The following SLC9A9 variants were observed in gnomAD, a reference collection of about 807,000 sequenced individuals.
SLC9A9 encodes solute carrier family 9 member A9.
A neutral mutation model predicts 77.8 loss-of-function variants in SLC9A9; 62 were observed. That is an observed-to-expected ratio of 0.80 (90% CI 0.65 to 0.98). SLC9A9 has a LOEUF of 0.98. Among genes scored for constraint, SLC9A9 ranks in the 50% least tolerant of loss-of-function variants. The pLI is 0.00. For missense variants in SLC9A9, 775 were observed against 774.9 expected, an observed-to-expected ratio of 1.00 and a Z score of 0.00; for synonymous variants, 320 against 283.5, an observed-to-expected ratio of 1.13 and a Z score of -1.29.
intron 14 of SLC9A9, among the ~76,000 whole-genome samples, chr3:143,308,392 C>T (rs575052108): frequency 1.4e-4 from 21 of 151,892 alleles, no homozygotes; most frequent in South Asian, 2.1e-4. Context: ...CTGGCTAACA[C>T]GGTGAAACCC....
intron 6 of SLC9A9, among the ~76,000 whole-genome samples, chr3:143,616,418 C>T (rs1176016587): frequency 9.9e-5 from 15 of 152,126 alleles, no homozygotes; most frequent in Admixed American, 9.8e-4. Context: ...CCAGAAAACT[C>T]CTCAAAACAA....
intron 13 of SLC9A9, among the ~76,000 whole-genome samples, chr3:143,374,413 ACT>A (rs1206238011): frequency 1.6e-5 from 2 of 122,420 alleles, no homozygotes; most frequent in African/African-American, 6.8e-5. Flanking sequence ...AGACAGCGAG[ACT>A]CTGTCTCAAA....
At chr3:143,748,203 G>T (rs550763672) in intron 4 of SLC9A9, among the ~76,000 whole-genome samples, 1 of 152,152 alleles carries the variant, frequency 6.6e-6, no homozygotes, top group African/African-American at 2.4e-5. Context: ...GTGACTTGCC[G>T]TAGAACTTTA....
At chr3:143,513,041 G>A (rs116293242) in intron 9 of SLC9A9, among the ~76,000 whole-genome samples, 4,566 of 152,280 alleles carry the variant, frequency 0.03, 72 homozygotes, top group Non-Finnish European at 0.037. Flanking sequence ...TGACTGATAA[G>A]GCTGGTGGTT....
intron 4 of SLC9A9, among the ~76,000 whole-genome samples, chr3:143,780,617 A>T (rs781664144): frequency 6.6e-6 from 1 of 152,256 alleles, no homozygotes; most frequent in African/African-American, 2.4e-5. Flanking sequence ...CATTGTCCTC[A>T]TAACACATAT....
intron 14 of SLC9A9, among the ~76,000 whole-genome samples, chr3:143,350,734 C>T (rs2032428239): frequency 1.3e-5 from 2 of 152,132 alleles, no homozygotes. Context: ...AAAATAGTGG[C>T]TCAGGGCAGG....
chr3:143,630,809 A>G (rs1576622599), intron 6 of SLC9A9, among the ~76,000 whole-genome samples: 1 of 152,202 alleles, frequency 6.6e-6, no homozygotes, highest in East Asian at 1.9e-4. Flanking sequence ...AAGATTATTT[A>G]TCAGTTAATA....
At chr3:143,516,639 CAG>C (rs1371156507) in intron 9 of SLC9A9, among the ~76,000 whole-genome samples, 4 of 152,146 alleles carry the variant, frequency 2.6e-5, no homozygotes, top group Non-Finnish European at 2.9e-5. Flanking sequence ...TTACTGATGA[CAG>C]AGTCTCCTTT....
intron 6 of SLC9A9, among the ~76,000 whole-genome samples, chr3:143,645,964 AC>A (rs2038700412): frequency 6.6e-6 from 1 of 151,964 alleles, no homozygotes; most frequent in Admixed American, 6.6e-5. Flanking sequence ...TTTCAGTACA[AC>A]AATAGCAGTA....
intron 11 of SLC9A9, among the ~76,000 whole-genome samples, chr3:143,492,168 T>A (rs1249061658): frequency 1.3e-5 from 2 of 151,802 alleles, no homozygotes; most frequent in Admixed American, 6.6e-5. Flanking sequence ...GGCAGGCGCC[T>A]GTAGTCCCAG....
intron 12 of SLC9A9, among the ~76,000 whole-genome samples, chr3:143,442,377 T>C (rs534634554): frequency 6.6e-6 from 1 of 152,332 alleles, no homozygotes; most frequent in South Asian, 2.1e-4. Context: ...TGGACAATTA[T>C]AGCATTGTTG....
At chr3:143,356,880 C>T (rs181493175) in intron 14 of SLC9A9, among the ~76,000 whole-genome samples, 2 of 152,278 alleles carry the variant, frequency 1.3e-5, no homozygotes, top group East Asian at 3.9e-4. Flanking sequence ...TGGGATTTGT[C>T]TACAGCAGCA....
chr3:143,770,072 T>G (rs981522673), intron 4 of SLC9A9, among the ~76,000 whole-genome samples: 3 of 152,192 alleles, frequency 2.0e-5, no homozygotes, highest in Non-Finnish European at 4.4e-5. Context: ...TTCATATTTC[T>G]TGAATAGGAG....
intron 2 of SLC9A9, among the ~76,000 whole-genome samples, chr3:143,797,586 A>G (rs1456912351): frequency 6.6e-6 from 1 of 152,062 alleles, no homozygotes; most frequent in Non-Finnish European, 1.5e-5. Context: ...CCACAAAAGA[A>G]GTGAAAATGG....
chr3:143,557,568 A>T (rs1055969167), intron 8 of SLC9A9, among the ~76,000 whole-genome samples: 1 of 152,166 alleles, frequency 6.6e-6, no homozygotes, highest in Non-Finnish European at 1.5e-5. Context: ...CTTCCTAGAG[A>T]CTTGTTGAAT....
intron 6 of SLC9A9, among the ~76,000 whole-genome samples, chr3:143,634,096 T>G (rs2038472193): frequency 6.6e-6 from 1 of 152,206 alleles, no homozygotes; most frequent in African/African-American, 2.4e-5. Flanking sequence ...TGATTATTTC[T>G]GCTCTTGTAA....
intron 4 of SLC9A9, among the ~76,000 whole-genome samples, chr3:143,744,572 C>T (rs528924466): frequency 7.1e-4 from 108 of 152,300 alleles, no homozygotes; most frequent in African/African-American, 2.4e-3. Context: ...TTGCGATTTT[C>T]TCATCAGCGA....
intron 4 of SLC9A9, among the ~76,000 whole-genome samples, chr3:143,717,577 T>G (rs1934388767): frequency 6.6e-6 from 1 of 152,226 alleles, no homozygotes; most frequent in Non-Finnish European, 1.5e-5. Flanking sequence ...AGCTTAGTGG[T>G]GGCTGCCTGG....
intron 12 of SLC9A9, among the ~76,000 whole-genome samples, chr3:143,408,744 CA>C (rs2034034630): frequency 6.6e-6 from 1 of 151,964 alleles, no homozygotes; most frequent in South Asian, 2.1e-4. Context: ...TCATAACAAG[CA>C]AGTAATGTTA....
Sources: gnomAD v4.1 joint callset for allele counts (sites outside exome capture counted in the v4.1 genomes callset) on GRCh38, gnomAD v4.1.1 for gene constraint, MANE v1.5 for transcripts, NCBI Gene and HGNC (gene_info 2026-07-23, HGNC 2026-07-21) for gene names.